The following GRID2 variants were observed in gnomAD, a reference collection of about 807,000 sequenced individuals.
The protein encoded by GRID2 is glutamate ionotropic receptor delta type subunit 2.
GRID2 carries 33 observed loss-of-function variants against 114.8 expected under a neutral mutation model. That is an observed-to-expected ratio of 0.29 (90% CI 0.22 to 0.38). The LOEUF is 0.38. Among genes scored for constraint, GRID2 ranks in the 10% least tolerant of loss-of-function variants. GRID2 has a pLI of 1.00. For synonymous variants in GRID2, 505 were observed against 449.9 expected (o/e 1.12, Z -1.55); for missense variants, 1,184 against 1,257.7 (o/e 0.94, Z 0.89).
chr4:93,758,410 A>T (rs1732938322), intron 14 of GRID2, among the ~76,000 whole-genome samples: 1 of 152,168 alleles, frequency 6.6e-6, no homozygotes, highest in African/African-American at 2.4e-5. Flanking sequence ...ACAACCTCTA[A>T]CTTAGATGTT....
chr4:92,788,178 T>C (rs1288996182), intron 2 of GRID2, among the ~76,000 whole-genome samples: 4 of 151,524 alleles, frequency 2.6e-5, no homozygotes, highest in Non-Finnish European at 5.9e-5. Context: ...TATTCTAGCA[T>C]TAAGTCTGGG....
At chr4:93,078,717 C>G (rs1234853987) in intron 2 of GRID2, among the ~76,000 whole-genome samples, 3 of 119,620 alleles carry the variant, frequency 2.5e-5, no homozygotes, top group Non-Finnish European at 5.6e-5. Context: ...ACTGTATATA[C>G]TAAATATAAT....
chr4:92,724,581 C>T (rs1278021182), intron 2 of GRID2, among the ~76,000 whole-genome samples: 3 of 152,150 alleles, frequency 2.0e-5, no homozygotes, highest in African/African-American at 7.2e-5. Flanking sequence ...TGTACTTTTT[C>T]TGTGCAGGTA....
intron 9 of GRID2, among the ~76,000 whole-genome samples, chr4:93,420,304 G>C (rs1014035089): frequency 2.0e-5 from 3 of 152,054 alleles, no homozygotes; most frequent in African/African-American, 7.2e-5. Flanking sequence ...CTGTGAATTT[G>C]ATCTTTATTT....
At chr4:92,678,474 A>G (rs1733492380) in intron 2 of GRID2, among the ~76,000 whole-genome samples, 1 of 152,104 alleles carries the variant, frequency 6.6e-6, no homozygotes, top group South Asian at 2.1e-4. Context: ...AGAAGCAAGA[A>G]ATCTCACTCA....
intron 13 of GRID2, among the ~76,000 whole-genome samples, chr4:93,608,311 AT>A (rs1186818508): frequency 0.03 from 3,505 of 115,840 alleles, 53 homozygotes; most frequent in East Asian, 0.05. Context: ...TTTTTTTTTA[AT>A]TTTTTTTTTT....
At chr4:93,316,339 A>AGAAAGAAAGAAAGAAGGAAGGAAG (rs1192535496) in intron 8 of GRID2, among the ~76,000 whole-genome samples, 61 of 55,008 alleles carry the variant, frequency 1.1e-3, no homozygotes, top group African/African-American at 3.5e-3. Flanking sequence ...AAAGAAAGAA[A>AGAAAGAAAGAAAGAAGGAAGGAAG]GAAGGAAGGA....
chr4:93,108,635 C>CT (rs796179719), intron 3 of GRID2, among the ~76,000 whole-genome samples: 152 of 133,462 alleles, frequency 1.1e-3, no homozygotes, highest in African/African-American at 2.4e-3. Flanking sequence ...TTTTTTTTTT[C>CT]TTTTTTTTTT....
Position 92,885,660 on chromosome 4 carries a change from T to C in GRID2, c.245-199335T>C, listed in dbSNP as rs187302053. On this transcript the variant is annotated intron_variant, in intron 2 of 15. Transcript: ENST00000282020. Reference sequence around the variant, plus strand: ...TTTATTGTTTGGGGATTCTTTGTTGTAAGATGACTCTCAGAAATTACTTTT... The same window carrying C: ...TTTATTGTTTGGGGATTCTTTGTTGCAAGATGACTCTCAGAAATTACTTTT... Among the ~76,000 whole-genome samples, 463 of 152,356 alleles carry C rather than the reference T, an allele frequency of 3.0e-3. 1 individual carries two copies. The highest frequency in any genetic ancestry group is 3.9e-3 in the Non-Finnish European group (265 of 68,038).
At chr4:92,501,025 T>C (rs930793697) in intron 1 of GRID2, among the ~76,000 whole-genome samples, 2 of 152,142 alleles carry the variant, frequency 1.3e-5, no homozygotes, top group Non-Finnish European at 2.9e-5. Flanking sequence ...TTTTTCTGAA[T>C]ACCAATAGAA....
chr4:92,453,551 G>A (rs1721058886), intron 1 of GRID2, among the ~76,000 whole-genome samples: 4 of 152,032 alleles, frequency 2.6e-5, no homozygotes, highest in East Asian at 1.9e-4. Context: ...AAACATATTC[G>A]TTGTGTTACT....
intron 2 of GRID2, among the ~76,000 whole-genome samples, chr4:92,711,433 A>G (rs969367813): frequency 6.6e-6 from 1 of 152,186 alleles, no homozygotes; most frequent in Non-Finnish European, 1.5e-5. Context: ...GTAGAACTGA[A>G]GTCCCCAGTT....
intron 1 of GRID2, among the ~76,000 whole-genome samples, chr4:93,782,653 C>G (rs532568251): frequency 6.6e-6 from 1 of 152,264 alleles, no homozygotes; most frequent in South Asian, 2.1e-4. Context: ...TCTACTGACT[C>G]TAACCAACTT....
chr4:92,457,817 T>A (rs1721291128), intron 1 of GRID2, among the ~76,000 whole-genome samples: 1 of 152,202 alleles, frequency 6.6e-6, no homozygotes, highest in Admixed American at 6.5e-5. Context: ...TTGTGATGAA[T>A]CTATGCCTGT....
At chr4:93,044,917 C>T (rs1725984305) in intron 2 of GRID2, among the ~76,000 whole-genome samples, 1 of 152,060 alleles carries the variant, frequency 6.6e-6, no homozygotes, top group African/African-American at 2.4e-5. Context: ...GGCTTTAGGA[C>T]ACTCAGAAAA....
chr4:93,164,704 A>G lies in GRID2; in HGVS notation c.736-42700A>G, dbSNP rs531448531. Reference sequence around the variant, plus strand: ...AGCTTTGGGAGAAAAGTGACAAAATATGCTTAATTTTTTTCCTTTCATTTT... The same window carrying G: ...AGCTTTGGGAGAAAAGTGACAAAATGTGCTTAATTTTTTTCCTTTCATTTT... On this transcript the variant is annotated intron_variant, in intron 4 of 15. Coordinates refer to ENST00000282020, the MANE Select transcript of GRID2 (RefSeq NM_001510.4). 306 of 435,540 alleles carry G rather than the reference A, an allele frequency of 7.0e-4. 1 individual carries two copies. The highest frequency in any genetic ancestry group is 9.6e-4 in the Admixed American group (40 of 41,524). 27.0% of individuals were successfully genotyped at this position (435,540 alleles called of 1,614,324 possible). A position where few individuals can be genotyped will look rare whatever the true frequency, so the allele number is the denominator to read the frequency against.
At chr4:92,447,384 G>A (rs900370567) in intron 1 of GRID2, among the ~76,000 whole-genome samples, 2 of 152,170 alleles carry the variant, frequency 1.3e-5, no homozygotes, top group Admixed American at 6.5e-5. Flanking sequence ...TCTAAGGGCA[G>A]ATTGTGTGCA....
Position 93,307,483 on chromosome 4 carries a change from A to T in GRID2, c.1245+68993A>T, listed in dbSNP as rs899410945. Among the ~76,000 whole-genome samples the T allele has an allele frequency of 4.6e-5, 7 of 151,976 alleles. No homozygotes were observed. In the South Asian group the frequency reaches 1.2e-3, roughly 27 times the overall value. On this transcript the variant is annotated intron_variant, in intron 8 of 15. Transcript: ENST00000282020. ...GCTCTTCACAGCTTTGTTTATTTTT[A>T]AATTTTTTTTAGTAATCCCTCTTTG...
At chr4:92,314,258 C>T (rs1725854431) in intron 1 of GRID2, among the ~76,000 whole-genome samples, 2 of 152,064 alleles carry the variant, frequency 1.3e-5, no homozygotes, top group Admixed American at 1.3e-4. Flanking sequence ...GAGCAGATTA[C>T]ATTTTACATA....
Sources: gnomAD v4.1 joint callset for allele counts (sites outside exome capture counted in the v4.1 genomes callset) on GRCh38, gnomAD v4.1.1 for gene constraint, MANE v1.5 for transcripts, NCBI Gene and HGNC (gene_info 2026-07-23, HGNC 2026-07-21) for gene names.